Variants in PAPPA2 observed in about 807,000 individuals in gnomAD.
PAPPA2 encodes the protein pappalysin-2.
A neutral mutation model predicts 176.4 loss-of-function variants in PAPPA2; 86 were observed. That is an observed-to-expected ratio of 0.49 (90% confidence interval 0.41 to 0.58). The LOEUF (loss-of-function observed/expected upper bound fraction) is 0.58, where lower values mean the gene tolerates loss of function less well. PAPPA2 is among the 20% of genes least tolerant of loss of function. PAPPA2 has a pLI of 0.00. For missense variants in PAPPA2, 2,073 were observed against 2,256.9 expected, an observed-to-expected ratio of 0.92 and a Z score of 1.65; for synonymous variants, 809 against 852.2, an observed-to-expected ratio of 0.95 and a Z score of 0.88.
At chr1:176,816,011 G>A (rs1666366483) in intron 21 of PAPPA2, among the ~76,000 whole-genome samples, 6 of 151,440 alleles carry the variant, frequency 4.0e-5, no homozygotes. Context: ...TGTGAGGGAG[G>A]AAGGTATGTG....
chr1:176,635,467 A>G (rs974835186), intron 3 of PAPPA2, among the ~76,000 whole-genome samples: 2 of 152,150 alleles, frequency 1.3e-5, no homozygotes, highest in African/African-American at 4.8e-5. Context: ...GTGAGTTCTC[A>G]GGTTTGGCCA....
intron 3 of PAPPA2, among the ~76,000 whole-genome samples, chr1:176,641,918 A>G (rs1657117625): frequency 6.6e-6 from 1 of 151,946 alleles, no homozygotes; most frequent in Non-Finnish European, 1.5e-5. Flanking sequence ...AGTGTGTACA[A>G]TTTTGCATCA....
chr1:176,528,150 G>C (rs910086546), intron 1 of PAPPA2, among the ~76,000 whole-genome samples: 1 of 152,046 alleles, frequency 6.6e-6, no homozygotes, highest in Non-Finnish European at 1.5e-5. Flanking sequence ...CAATTGGACT[G>C]CATTTGAATG....
At chr1:176,503,434 C>A (rs988036972) in intron 1 of PAPPA2, among the ~76,000 whole-genome samples, 2 of 152,098 alleles carry the variant, frequency 1.3e-5, no homozygotes, top group Non-Finnish European at 2.9e-5. Context: ...CATAATTTGC[C>A]ATGTAACACA....
intron 3 of PAPPA2, among the ~76,000 whole-genome samples, chr1:176,608,670 G>A (rs1290422360): frequency 1.3e-5 from 2 of 151,998 alleles, no homozygotes; most frequent in South Asian, 2.1e-4. Flanking sequence ...CTCTCTTATC[G>A]AACACCCTAC....
At chr1:176,751,156 T>C (rs1259798052) in intron 14 of PAPPA2, among the ~76,000 whole-genome samples, 3 of 151,804 alleles carry the variant, frequency 2.0e-5, no homozygotes, top group African/African-American at 7.3e-5. Context: ...GTTGTAGATA[T>C]GCGGCATTAT....
intron 3 of PAPPA2, among the ~76,000 whole-genome samples, chr1:176,609,717 C>T (rs1654806597): frequency 6.6e-6 from 1 of 152,122 alleles, no homozygotes; most frequent in Non-Finnish European, 1.5e-5. Flanking sequence ...AGGGCTTGGG[C>T]AGCAGAGGGC....
chr1:176,558,410 C>T lies in PAPPA2; in HGVS notation c.919+1169C>T, dbSNP rs191769190. On this transcript the variant is annotated intron_variant, in intron 2 of 22. Coordinates refer to ENST00000367662, the MANE Select transcript of PAPPA2 (RefSeq NM_020318.3). Reference sequence around the variant, plus strand: ...AAAGTTTCAGACTAGGGAAAGAAGTCGGCAAGGAGGGAGCCTCTTTCAAGG... The same window carrying T: ...AAAGTTTCAGACTAGGGAAAGAAGTTGGCAAGGAGGGAGCCTCTTTCAAGG... Among the ~76,000 whole-genome samples the T allele has an allele frequency of 1.3e-3, 194 of 152,258 alleles. 1 individual carries two copies. The highest frequency in any genetic ancestry group is 4.3e-3 in the African/African-American group (177 of 41,554).
intron 12 of PAPPA2, among the ~76,000 whole-genome samples, chr1:176,739,404 A>T (rs1437431906): frequency 6.6e-6 from 1 of 152,118 alleles, no homozygotes; most frequent in Non-Finnish European, 1.5e-5. Context: ...AAAAGATAGG[A>T]TGTTCAGCAT....
intron 1 of PAPPA2, among the ~76,000 whole-genome samples, chr1:176,515,660 C>T (rs1394559570): frequency 2.6e-5 from 4 of 152,164 alleles, no homozygotes; most frequent in Admixed American, 2.0e-4. Flanking sequence ...ATTGTTAATA[C>T]CCACTGCACT....
At chr1:176,750,191 A>G (rs1420800715) in intron 14 of PAPPA2, among the ~76,000 whole-genome samples, 1 of 152,090 alleles carries the variant, frequency 6.6e-6, no homozygotes, top group African/African-American at 2.4e-5. Context: ...CTAAGCCTGT[A>G]CTCTTGAACA....
At chr1:176,715,260 G>A (rs1422024415) in intron 12 of PAPPA2, among the ~76,000 whole-genome samples, 1 of 152,190 alleles carries the variant, frequency 6.6e-6, no homozygotes, top group Non-Finnish European at 1.5e-5. Flanking sequence ...AGTTCCCAAG[G>A]TCGCAGCAAG....
At chr1:176,531,889 C>T (rs2102553082) in intron 1 of PAPPA2, among the ~76,000 whole-genome samples, 1 of 152,286 alleles carries the variant, frequency 6.6e-6, no homozygotes, top group African/African-American at 2.4e-5. Context: ...CACATGTGGG[C>T]ACTGACTGAC....
intron 3 of PAPPA2, among the ~76,000 whole-genome samples, chr1:176,666,870 A>G (rs1658692550): frequency 2.0e-5 from 3 of 152,180 alleles, no homozygotes; most frequent in Admixed American, 6.6e-5. Flanking sequence ...AAAGAAACAA[A>G]TACATCTGAA....
At chr1:176,678,572 A>T (rs958800907) in intron 4 of PAPPA2, among the ~76,000 whole-genome samples, 4 of 152,128 alleles carry the variant, frequency 2.6e-5, no homozygotes, top group African/African-American at 9.6e-5. Context: ...TCTTTTTGTA[A>T]TGTTTTTCCT....
At chr1:176,658,902 A>G (rs1303333936) in intron 3 of PAPPA2, among the ~76,000 whole-genome samples, 1 of 152,086 alleles carries the variant, frequency 6.6e-6, no homozygotes, top group Non-Finnish European at 1.5e-5. Context: ...AAGAGATTAT[A>G]GAACATCAGA....
Position 176,793,613 on chromosome 1 carries a change from C to G in PAPPA2, c.5074C>G (p.Pro1692Ala). 6.2e-7 allele frequency: 1 copy of G among 1,613,296 alleles called. No homozygotes were observed. Among genetic ancestry groups the G allele is most frequent in the African/African-American group, 1.3e-5 (1 of 74,976 alleles). ...VIPPSDPVML[P>A]ENITADTLEH... ...CCCCCCCAGTGACCCCGTGATGCTA[C>G]CTGAGAATATCACTGCTGACACTCT... Residue 1692 changes from proline to alanine, a missense_variant, in exon 20 of 23, where the codon CCT becomes GCT. By Grantham distance (27) the Pro-to-Ala change is conservative. Coordinates refer to ENST00000367662, the MANE Select transcript of PAPPA2 (RefSeq NM_020318.3).
intron 2 of PAPPA2, among the ~76,000 whole-genome samples, chr1:176,574,129 A>T (rs1374257992): frequency 1.3e-5 from 2 of 152,152 alleles, no homozygotes; most frequent in Non-Finnish European, 2.9e-5. Flanking sequence ...ATACAAATGA[A>T]TGTGGAGAAG....
rs1662580292 is a variant in PAPPA2, at chr1:176,739,679, T to G, written c.3852T>G (p.Thr1284=). The change falls in exon 13 of 23, where the codon ACT becomes ACG. Residue 1284 remains threonine (T), a synonymous_variant. Transcript: ENST00000367662. ...EARAIFIFLT[T]DGLVPGEHQQ... is the part of the protein sequence containing the mutation. The stretch of plus-strand genomic sequence containing the variant: ...GAGCAATTTTTATTTTTTTGACAAC[T>G]GATGGCCTAGTTCCCGGAGAGCATC... The G allele has an allele frequency of 1.9e-6, 3 of 1,613,614 alleles. No homozygotes were observed. In the Admixed American group the frequency reaches 5.0e-5, roughly 27 times the overall value.
Sources: gnomAD v4.1 joint callset for allele counts (sites outside exome capture counted in the v4.1 genomes callset) on GRCh38, gnomAD v4.1.1 for gene constraint, MANE v1.5 for transcripts, NCBI Gene and HGNC (gene_info 2026-07-23, HGNC 2026-07-21) for gene names.